Variants in FHIT observed in about 807,000 individuals in gnomAD.
FHIT encodes bis(5'-adenosyl)-triphosphatase.
FHIT carries 19 observed loss-of-function variants against 17.9 expected under a neutral mutation model. That is an observed-to-expected ratio of 1.06 (90% CI 0.74 to 1.56). The LOEUF is 1.56. Among genes scored for constraint, FHIT ranks in the 40% most tolerant of loss-of-function variants. The probability of loss-of-function intolerance (pLI) is 0.00; values close to 1 mark genes in which losing one functional copy is unlikely to be tolerated. For synonymous variants in FHIT, 81 were observed against 69.7 expected, an observed-to-expected ratio of 1.16 and a Z score of -0.81; for missense variants, 248 against 189.2, an observed-to-expected ratio of 1.31 and a Z score of -1.82.
intron 8 of FHIT, among the ~76,000 whole-genome samples, chr3:59,833,309 C>A (rs1002439668): frequency 4.6e-5 from 7 of 152,104 alleles, no homozygotes; most frequent in Admixed American, 1.3e-4. Flanking sequence ...AGGGTGGGCT[C>A]CTAAACTTAT....
chr3:60,596,531 A>T (rs182515154), intron 4 of FHIT, among the ~76,000 whole-genome samples: 54 of 152,252 alleles, frequency 3.5e-4, no homozygotes, highest in Admixed American at 1.3e-3. Context: ...TGGATCTCCA[A>T]AACAGACAAG....
At chr3:60,506,771 G>A (rs544587491) in intron 5 of FHIT, among the ~76,000 whole-genome samples, 2 of 152,260 alleles carry the variant, frequency 1.3e-5, no homozygotes, top group South Asian at 4.2e-4. Flanking sequence ...GAAGACAATG[G>A]AGCAGACCCA....
At chr3:61,187,530 A>G (rs2038557044) in intron 2 of FHIT, among the ~76,000 whole-genome samples, 1 of 152,212 alleles carries the variant, frequency 6.6e-6, no homozygotes, top group South Asian at 2.1e-4. Flanking sequence ...AACGAGACAG[A>G]AAGTTAACAA....
rs372041646 is a variant in FHIT at position 60,098,497 on chromosome 3, G to C, written c.104-84345C>G. On this transcript the variant is annotated intron_variant, in intron 5 of 9. Coordinates refer to ENST00000492590, the MANE Select transcript of FHIT (RefSeq NM_002012.4). ...ATGAGCATTTTTTCATGTGTTTTTT[G>C]GCTGCATAAATGTCTTCTTTTGAGA... Among the ~76,000 whole-genome samples the C allele has an allele frequency of 2.5e-3, 381 of 151,812 alleles. 1 individual carries two copies. Among genetic ancestry groups the C allele is most frequent in the African/African-American group, 8.7e-3 (359 of 41,408 alleles).
chr3:60,617,107 C>G (rs2038974624), intron 4 of FHIT: 1 of 219,354 alleles, frequency 4.6e-6, no homozygotes, highest in African/African-American at 2.3e-5. Context: ...TGAGCAGGAC[C>G]TGAAGATGTT....
intron 5 of FHIT, among the ~76,000 whole-genome samples, chr3:60,393,838 G>T (rs1238808406): frequency 1.3e-5 from 2 of 152,088 alleles, no homozygotes; most frequent in Non-Finnish European, 2.9e-5. Context: ...TGCCAGGCTT[G>T]GATTCTCTTC....
chr3:61,222,141 T>C (rs970818612), intron 1 of FHIT, among the ~76,000 whole-genome samples: 1 of 152,208 alleles, frequency 6.6e-6, no homozygotes, highest in Admixed American at 6.5e-5. Flanking sequence ...TCATTTTTAA[T>C]CTGACAGACA....
intron 5 of FHIT, among the ~76,000 whole-genome samples, chr3:60,157,025 A>G (rs1369370123): frequency 2.6e-5 from 4 of 152,100 alleles, no homozygotes; most frequent in African/African-American, 4.8e-5. Context: ...CCTTACTGGA[A>G]AATAAATATG....
chr3:60,367,095 C>T (rs921921327), intron 5 of FHIT, among the ~76,000 whole-genome samples: 5 of 152,202 alleles, frequency 3.3e-5, no homozygotes, highest in Non-Finnish European at 7.3e-5. Flanking sequence ...CTCAACTAAT[C>T]TATAAAATGA....
At chr3:61,000,968 A>G (rs992166881) in intron 3 of FHIT, among the ~76,000 whole-genome samples, 1 of 152,186 alleles carries the variant, frequency 6.6e-6, no homozygotes, top group Non-Finnish European at 1.5e-5. Context: ...TCAACAGAAA[A>G]AAAAAACAAT....
chr3:59,941,576 T>TTTA (rs1706521459), intron 7 of FHIT, among the ~76,000 whole-genome samples: 1 of 152,128 alleles, frequency 6.6e-6, no homozygotes, highest in South Asian at 2.1e-4. Context: ...GTTGGGATGT[T>TTTA]TTACTGCCTT....
chr3:60,273,791 A>T (rs1280736774), intron 5 of FHIT, among the ~76,000 whole-genome samples: 1 of 152,166 alleles, frequency 6.6e-6, no homozygotes, highest in Non-Finnish European at 1.5e-5. Flanking sequence ...TTCTATTGGC[A>T]AGTATGTAGA....
intron 3 of FHIT, among the ~76,000 whole-genome samples, chr3:60,971,503 C>T (rs551082591): frequency 1.0e-3 from 155 of 150,418 alleles, no homozygotes; most frequent in African/African-American, 3.6e-3. Flanking sequence ...TTAATTTAAC[C>T]TATTGATTCT....
At chr3:60,273,181 T>A (rs190196488) in intron 5 of FHIT, among the ~76,000 whole-genome samples, 11 of 152,314 alleles carry the variant, frequency 7.2e-5, no homozygotes, top group African/African-American at 2.6e-4. Context: ...AAATGAAGAT[T>A]TAGAGATTTG....
At chr3:59,985,943 C>T (rs1441618566) in intron 7 of FHIT, among the ~76,000 whole-genome samples, 2 of 151,246 alleles carry the variant, frequency 1.3e-5, no homozygotes, top group East Asian at 3.9e-4. Flanking sequence ...TCCCCTCTCA[C>T]AAACAGAGAG....
chr3:60,819,506 T>C (rs1032639268), intron 4 of FHIT, among the ~76,000 whole-genome samples: 2 of 152,202 alleles, frequency 1.3e-5, no homozygotes, highest in Non-Finnish European at 2.9e-5. Context: ...TCCTGCCTCA[T>C]TGAAAACTGC....
At chr3:61,137,251 T>C (rs2036942853) in intron 2 of FHIT, among the ~76,000 whole-genome samples, 1 of 146,676 alleles carries the variant, frequency 6.8e-6, no homozygotes, top group African/African-American at 2.5e-5. Flanking sequence ...AAACGTATCA[T>C]AGGTTTCACT....
intron 2 of FHIT, among the ~76,000 whole-genome samples, chr3:61,044,060 A>C (rs147072820): frequency 0.07 from 10,616 of 152,282 alleles, 539 homozygotes; most frequent in African/African-American, 0.13. Flanking sequence ...AATTCTAAAA[A>C]TCAGAGCGCC....
chr3:60,057,595 T>C (rs906899189), intron 5 of FHIT, among the ~76,000 whole-genome samples: 18 of 152,174 alleles, frequency 1.2e-4, no homozygotes, highest in Middle Eastern at 3.2e-3. Flanking sequence ...GATAGTTTTT[T>C]GGATAGACGT....
Sources: allele counts gnomAD v4.1 joint callset (sites outside exome capture counted in the v4.1 genomes callset), GRCh38; gene constraint gnomAD v4.1.1; transcripts MANE v1.5; gene names NCBI Gene and HGNC (gene_info 2026-07-23, HGNC 2026-07-21).